ZSCAN2: variants seen among roughly 807,000 people sequenced by gnomAD.
The protein encoded by ZSCAN2 is zinc finger and SCAN domain containing 2, also known as zinc finger and SCAN domain-containing protein 2.
ZSCAN2 carries 26 observed loss-of-function variants against 47.8 expected under a neutral mutation model. That is an observed-to-expected ratio of 0.54 (90% confidence interval 0.40 to 0.75). ZSCAN2 has a LOEUF of 0.75. Among genes scored for constraint, ZSCAN2 ranks in the 30% least tolerant of loss-of-function variants. The pLI, the probability that ZSCAN2 is intolerant of heterozygous loss-of-function variation, is 0.00. For missense variants in ZSCAN2, 732 were observed against 785.4 expected, an observed-to-expected ratio of 0.93 and a Z score of 0.81; for synonymous variants, 305 against 288.7, an observed-to-expected ratio of 1.06 and a Z score of -0.57.
chr15:84,619,926 G>GT (rs1567012471), intron 2 of ZSCAN2, among the ~76,000 whole-genome samples: 998 of 28,614 alleles, frequency 0.035, 30 homozygotes, highest in East Asian at 0.17. Flanking sequence ...AGCCTGGGTT[G>GT]GTTTTTTTTT....
intron 1 of ZSCAN2, among the ~76,000 whole-genome samples, chr15:84,602,587 C>CTTTTTT (rs981357914): frequency 1.8e-3 from 204 of 115,696 alleles, no homozygotes; most frequent in Admixed American, 2.6e-3. Context: ...CTTTTCTTTT[C>CTTTTTT]TTTTTTTTTT....
chr15:84,609,397 A>G (rs1374566272), intron 2 of ZSCAN2, among the ~76,000 whole-genome samples: 1 of 150,318 alleles, frequency 6.7e-6, no homozygotes, highest in Non-Finnish European at 1.5e-5. Flanking sequence ...ATCATAGCTC[A>G]CTATAACCTC....
Position 84,620,736 on chromosome 15 carries a change from G to A in ZSCAN2, c.541G>A (p.Asp181Asn), listed in dbSNP as rs772937021. Residue 181 changes from aspartate to asparagine, a missense_variant, in exon 3 of 3, where the codon GAT (aspartate) becomes AAT (asparagine). Around this residue, in one of 2 missense-constraint regions of ZSCAN2, gnomAD observed 320 missense variants for 287.4 expected, o/e 1.11. Transcript: ENST00000546148. ...HSDGESDFER[D>N]AGIQRLQGHS... ...CGATGGGGAAAGTGACTTTGAGAGAGATGCTGGCATCCAGAGGCTCCAGGG... is the reference window on the plus strand; with the variant it reads ...CGATGGGGAAAGTGACTTTGAGAGAAATGCTGGCATCCAGAGGCTCCAGGG... 7 of 1,614,122 alleles carry A rather than the reference G, an allele frequency of 4.3e-6. No individual in the cohort carries two copies. The highest frequency in any genetic ancestry group is 1.1e-5 in the South Asian group (1 of 91,088).
intron 2 of ZSCAN2, 70 bp downstream of exon 2, chr15:84,604,403 A>G: frequency 6.6e-7 from 1 of 1,521,910 alleles, no homozygotes; most frequent in Non-Finnish European, 8.8e-7. Context: ...GGTGTTTCGG[A>G]GGAGGAGAAG....
chr15:84,604,738 CTTTTTTTTTT>C (rs11459006), intron 2 of ZSCAN2, among the ~76,000 whole-genome samples: 1 of 129,026 alleles, frequency 7.8e-6, no homozygotes, highest in African/African-American at 3.0e-5. Flanking sequence ...TTTCTTTTTT[CTTTTTTTTTT>C]TTTTTTTGAA....
chr15:84,610,826 C>G (rs1345223116), intron 2 of ZSCAN2, among the ~76,000 whole-genome samples: 1 of 152,034 alleles, frequency 6.6e-6, no homozygotes, highest in South Asian at 2.1e-4. Flanking sequence ...TACTGTGAAT[C>G]AAAAGACAGC....
intron 2 of ZSCAN2, among the ~76,000 whole-genome samples, chr15:84,605,581 G>A (rs1331877051): frequency 2.0e-5 from 3 of 152,200 alleles, no homozygotes; most frequent in African/African-American, 7.2e-5. Context: ...GTGGTAGGAA[G>A]TAGAGTTTGG....
chr15:84,604,485 C>T, intron 2 of ZSCAN2, 152 bp downstream of exon 2: 1 of 1,040,406 alleles, frequency 9.6e-7, no homozygotes, highest in Non-Finnish European at 1.4e-6. Flanking sequence ...GCGTGTTCAT[C>T]AGCCTTTTAG....
intron 2 of ZSCAN2, among the ~76,000 whole-genome samples, chr15:84,617,926 T>C (rs1199585391): frequency 6.6e-6 from 1 of 152,148 alleles, no homozygotes; most frequent in Non-Finnish European, 1.5e-5. Flanking sequence ...GGTGACAGAC[T>C]AAGACCTTGT....
intron 2 of ZSCAN2, 144 bp downstream of exon 2, chr15:84,604,477 G>A (rs902452650): frequency 2.8e-5 from 30 of 1,076,522 alleles, no homozygotes; most frequent in South Asian, 5.0e-5. Flanking sequence ...GGCAGTCAGC[G>A]TGTTCATCAG....
intron 2 of ZSCAN2, among the ~76,000 whole-genome samples, chr15:84,612,530 C>T (rs912650201): frequency 1.2e-4 from 19 of 152,058 alleles, no homozygotes; most frequent in African/African-American, 4.1e-4. Context: ...GTCAGGAGAT[C>T]GAGACTATCC....
chr15:84,622,429 C>T lies in ZSCAN2; in HGVS notation c.*389C>T. 1.7e-6 allele frequency: 1 copy of T among 600,512 alleles called. No homozygotes were observed. The highest frequency in any genetic ancestry group is 3.0e-6 in the Non-Finnish European group (1 of 331,442). The allele number at this position is 600,512 out of a possible 1,614,324, so 37.2% of individuals were successfully genotyped here. On this transcript the variant is annotated 3_prime_UTR_variant, in exon 3 of 3. Transcript: ENST00000546148. ...GAGTCCTCAGAGAAATACTGGAAAT[C>T]ATTGGTGTGGTTCTGGTTGTTTTGT...
chr15:84,611,062 G>T (rs1688248829), intron 2 of ZSCAN2, among the ~76,000 whole-genome samples: 1 of 152,184 alleles, frequency 6.6e-6, no homozygotes, highest in Non-Finnish European at 1.5e-5. Context: ...GGGAGGCCAA[G>T]GTGGGTGGAT....
At chr15:84,615,365 C>G (rs1895667182) in intron 2 of ZSCAN2, among the ~76,000 whole-genome samples, 1 of 152,048 alleles carries the variant, frequency 6.6e-6, no homozygotes, top group African/African-American at 2.4e-5. Flanking sequence ...GGGTCTCACT[C>G]TGTCACCCGG....
chr15:84,610,488 C>CTTTCT (rs747260232), intron 2 of ZSCAN2, among the ~76,000 whole-genome samples: 1,646 of 86,932 alleles, frequency 0.019, 57 homozygotes, highest in Admixed American at 0.11. Flanking sequence ...TTCTTTCTTT[C>CTTTCT]TTTTTTTTTT....
intron 2 of ZSCAN2, among the ~76,000 whole-genome samples, chr15:84,619,354 G>C (rs1041486646): frequency 5.3e-5 from 8 of 151,904 alleles, no homozygotes; most frequent in African/African-American, 1.9e-4. Flanking sequence ...GGCGTGAACT[G>C]GGGAGGCGGA....
At chr15:84,607,800 C>T (rs929013304) in intron 2 of ZSCAN2, among the ~76,000 whole-genome samples, 8 of 152,212 alleles carry the variant, frequency 5.3e-5, no homozygotes, top group Non-Finnish European at 7.3e-5. Context: ...TGAGCCACCA[C>T]GCCTGGCCCT....
chr15:84,619,238 T>C (rs1019715057), intron 2 of ZSCAN2, among the ~76,000 whole-genome samples: 6 of 152,146 alleles, frequency 3.9e-5, no homozygotes, highest in South Asian at 2.1e-4. Flanking sequence ...GAGACCATCC[T>C]GGCTAACATG....
At position 84,622,395 on chromosome 15, in the gene ZSCAN2, A is replaced by G. The variant is rs1422193306; in HGVS notation, c.*355A>G. The stretch of plus-strand genomic sequence containing the variant: ...GGAATGGAAGACAGCATGGCCCACA[A>G]CGTGGGCCGAGTCCTCAGAGAAATA... On this transcript the variant is annotated 3_prime_UTR_variant, in exon 3 of 3. Coordinates refer to ENST00000546148, the MANE Select transcript of ZSCAN2 (RefSeq NM_181877.4). 8.5e-6 allele frequency: 5 copies of G among 586,176 alleles called. No homozygotes were observed. In the Admixed American group the frequency reaches 1.0e-4, roughly 12 times the overall value. The allele number at this position is 586,176 out of a possible 1,614,324, so 36.3% of individuals were successfully genotyped here.
Sources: gnomAD v4.1 joint callset for allele counts (sites outside exome capture counted in the v4.1 genomes callset) on GRCh38, gnomAD v4.1.1 for gene constraint, gnomAD v4.1.1 regional missense constraint, MANE v1.5 for transcripts, NCBI Gene and HGNC (gene_info 2026-07-23, HGNC 2026-07-21) for gene names.